ZNF420: variants seen among roughly 807,000 people sequenced by gnomAD.
The protein encoded by ZNF420 is ATM and p53-associated KZNF protein.
Under a neutral mutation model 44.7 loss-of-function variants are expected in ZNF420, and 31 were observed. The ratio of observed to expected loss-of-function variants is 0.69; its 90% confidence interval spans 0.52 to 0.94. ZNF420 has a LOEUF of 0.94. ZNF420 is among the 40% of genes least tolerant of loss of function. The probability of loss-of-function intolerance (pLI) is 0.00; values close to 1 mark genes in which losing one functional copy is unlikely to be tolerated. For missense variants in ZNF420, 681 were observed against 827.9 expected, an observed-to-expected ratio of 0.82 and a Z score of 2.18; for synonymous variants, 245 against 267.4, an observed-to-expected ratio of 0.92 and a Z score of 0.82.
At chr19:37,076,154 C>T (rs1161007932), upstream of ZNF420, among the ~76,000 whole-genome samples, 1 of 152,088 alleles carries the variant, frequency 6.6e-6, no homozygotes, top group Non-Finnish European at 1.5e-5. Flanking sequence ...AGGTGAACAA[C>T]TGTTTTTTAC....
chr19:37,017,588 A>G (rs2074617222), intron 1 of ZNF420, among the ~76,000 whole-genome samples: 1 of 152,240 alleles, frequency 6.6e-6, no homozygotes, highest in African/African-American at 2.4e-5. Flanking sequence ...CAATTCACGC[A>G]AAAAGTTTCA....
intron 1 of ZNF420, among the ~76,000 whole-genome samples, chr19:37,079,041 G>C (rs905385531): frequency 6.6e-6 from 1 of 151,840 alleles, no homozygotes; most frequent in Non-Finnish European, 1.5e-5. Flanking sequence ...TTGGGTGACT[G>C]TCTGATTGTG....
intron 4 of ZNF420, among the ~76,000 whole-genome samples, chr19:37,119,324 A>G (rs1356148574): frequency 6.6e-6 from 1 of 152,168 alleles, no homozygotes; most frequent in Non-Finnish European, 1.5e-5. Context: ...AACTCACTCA[A>G]AACCACTCCA....
chr19:37,042,159 T>G (rs1967466420), intron 1 of ZNF420, among the ~76,000 whole-genome samples: 1 of 152,142 alleles, frequency 6.6e-6, no homozygotes, highest in South Asian at 2.1e-4. Context: ...CCATCATGCC[T>G]GGCTAATTTT....
chr19:37,012,766 C>CTGTG (rs1313118317), intron 1 of ZNF420, among the ~76,000 whole-genome samples: 9 of 48,082 alleles, frequency 1.9e-4, no homozygotes, highest in African/African-American at 6.2e-4. Context: ...CTATATGTCT[C>CTGTG]TGTGTGTGTG....
intron 1 of ZNF420, among the ~76,000 whole-genome samples, chr19:37,027,974 A>G (rs2385417): frequency 0.024 from 3,670 of 152,256 alleles, 156 homozygotes; most frequent in African/African-American, 0.083. Context: ...TAGGGTAATC[A>G]TATGTTTAGT....
At chr19:37,071,035 C>T (rs1210944751) in intron 1 of ZNF420, among the ~76,000 whole-genome samples, 3 of 152,066 alleles carry the variant, frequency 2.0e-5, no homozygotes, top group Admixed American at 6.6e-5. Flanking sequence ...CTGTATGGCC[C>T]GCAAAGCCTA....
chr19:37,115,725 C>T (rs1030460510), intron 4 of ZNF420, among the ~76,000 whole-genome samples: 1 of 151,934 alleles, frequency 6.6e-6, no homozygotes, highest in African/African-American at 2.4e-5. Flanking sequence ...TTTTACTAAT[C>T]CTCCTCAGCA....
chr19:37,049,242 T>C (rs1431971933), intron 1 of ZNF420, among the ~76,000 whole-genome samples: 1 of 152,204 alleles, frequency 6.6e-6, no homozygotes, highest in Non-Finnish European at 1.5e-5. Context: ...AGTAATGGGA[T>C]TGCTGGGTCA....
At chr19:37,098,966 A>G (rs1969611560) in intron 4 of ZNF420, among the ~76,000 whole-genome samples, 2 of 152,228 alleles carry the variant, frequency 1.3e-5, no homozygotes, top group Admixed American at 6.5e-5. Context: ...TTCACTTAAT[A>G]TAATGTCCTC....
At chr19:37,065,359 T>C (rs796298506) in intron 1 of ZNF420, among the ~76,000 whole-genome samples, 56 of 152,358 alleles carry the variant, frequency 3.7e-4, no homozygotes, top group African/African-American at 1.3e-3. Flanking sequence ...TTTTACATTA[T>C]GTCAGACATG....
At chr19:37,093,826 C>T (rs1969291478) in intron 4 of ZNF420, among the ~76,000 whole-genome samples, 1 of 152,092 alleles carries the variant, frequency 6.6e-6, no homozygotes, top group Admixed American at 6.6e-5. Flanking sequence ...AGAGGTAGAA[C>T]AGATGGAGAA....
Position 37,013,904 on chromosome 19 carries a change from C to T in ZNF420, c.-125+5822C>T, listed in dbSNP as rs1487709044. ...ACGTGGCACTGGCGTCCCCTATGAGCAGATGTAGTGAGCGTGTATCTCCAA... is the reference window on the plus strand; with the variant it reads ...ACGTGGCACTGGCGTCCCCTATGAGTAGATGTAGTGAGCGTGTATCTCCAA... On this transcript the variant is annotated intron_variant, in intron 1 of 4. Transcript: ENST00000587029. Among the ~76,000 whole-genome samples, 9 of 152,306 alleles carry T rather than the reference C, an allele frequency of 5.9e-5. No homozygotes were observed. The South Asian group carries it at 1.2e-3, about 21-fold the overall frequency.
intron 2 of ZNF420, among the ~76,000 whole-genome samples, chr19:37,082,475 A>C (rs1045964031): frequency 2.0e-5 from 3 of 152,092 alleles, no homozygotes; most frequent in African/African-American, 7.2e-5. Context: ...AGCAATCTCT[A>C]TCTTTTAATT....
intron 4 of ZNF420, among the ~76,000 whole-genome samples, chr19:37,095,484 A>G (rs915396925): frequency 5.3e-5 from 8 of 152,064 alleles, no homozygotes; most frequent in Admixed American, 3.9e-4. Flanking sequence ...GGATTTGTTG[A>G]TGTAATTATC....
chr19:37,078,022 G>C (rs1968205357), upstream of ZNF420: 1 of 152,640 alleles, frequency 6.6e-6, no homozygotes, highest in African/African-American at 2.4e-5. Context: ...AAGGGCCTGG[G>C]AGGGCACACA....
chr19:37,110,551 C>G (rs1214609180), intron 4 of ZNF420, among the ~76,000 whole-genome samples: 2 of 152,142 alleles, frequency 1.3e-5, no homozygotes, highest in Non-Finnish European at 2.9e-5. Flanking sequence ...CTTTTTCTTA[C>G]AGTTTGTTGT....
intron 1 of ZNF420, among the ~76,000 whole-genome samples, chr19:37,016,219 T>G (rs1052109654): frequency 2.6e-5 from 4 of 152,198 alleles, no homozygotes; most frequent in African/African-American, 9.7e-5. Flanking sequence ...TGTGTTTCAT[T>G]TCCTCTGCAC....
At chr19:37,126,534 T>G (rs12460798) in intron 4 of ZNF420, among the ~76,000 whole-genome samples, 2,941 of 152,276 alleles carry the variant, frequency 0.019, 80 homozygotes, top group East Asian at 0.05. Context: ...AGAAAATCAT[T>G]ATCTGAATCT....
Sources: allele counts gnomAD v4.1 joint callset (sites outside exome capture counted in the v4.1 genomes callset), GRCh38; gene constraint gnomAD v4.1.1; transcripts MANE v1.5; gene names NCBI Gene and HGNC (gene_info 2026-07-23, HGNC 2026-07-21).